The following RIMS1 variants were observed in gnomAD, a reference collection of about 807,000 sequenced individuals.
RIMS1 encodes the protein regulating synaptic membrane exocytosis 1.
In RIMS1, 83 loss-of-function variants were observed where a neutral mutation model predicts 214.1. That is an observed-to-expected ratio of 0.39 (90% CI 0.32 to 0.47). The LOEUF (loss-of-function observed/expected upper bound fraction) is 0.47. Ranked by LOEUF, RIMS1 falls within the 20% of genes least tolerant of loss-of-function variation. RIMS1 has a pLI of 0.99. For synonymous variants in RIMS1, 793 were observed against 786.8 expected (o/e 1.01, Z -0.13); for missense variants, 2,050 against 2,161.8 (o/e 0.95, Z 1.03).
chr6:72,280,431 C>T (rs1381847040), intron 23 of RIMS1, among the ~76,000 whole-genome samples: 2 of 151,870 alleles, frequency 1.3e-5, no homozygotes, highest in African/African-American at 4.8e-5. Flanking sequence ...TTAAAATATA[C>T]AATATTTTGG....
intron 28 of RIMS1, among the ~76,000 whole-genome samples, chr6:72,320,199 G>A (rs1013816159): frequency 1.4e-4 from 22 of 152,060 alleles, no homozygotes; most frequent in African/African-American, 5.1e-4. Context: ...TATGCCCATG[G>A]ACTGTTGGTG....
intron 2 of RIMS1, among the ~76,000 whole-genome samples, chr6:71,973,643 C>G (rs769066204): frequency 4.6e-5 from 7 of 152,072 alleles, no homozygotes; most frequent in Non-Finnish European, 7.3e-5. Flanking sequence ...CCAGGAGAGC[C>G]CTGGCTAGGA....
At chr6:72,215,048 C>G (rs2154019108) in intron 6 of RIMS1, among the ~76,000 whole-genome samples, 1 of 152,226 alleles carries the variant, frequency 6.6e-6, no homozygotes, top group East Asian at 1.9e-4. Context: ...AAATTCTAGT[C>G]AAAGAACATT....
intron 1 of RIMS1, among the ~76,000 whole-genome samples, chr6:71,910,840 TC>T (rs932458527): frequency 6.6e-6 from 1 of 152,158 alleles, no homozygotes; most frequent in Non-Finnish European, 1.5e-5. Flanking sequence ...AATTAATTTT[TC>T]ACTACCTTTT....
At chr6:72,236,909 T>C (rs960308248) in intron 8 of RIMS1, among the ~76,000 whole-genome samples, 4 of 151,818 alleles carry the variant, frequency 2.6e-5, no homozygotes, top group African/African-American at 9.7e-5. Context: ...TTTTAAGAAA[T>C]CACTACAGCC....
chr6:72,136,133 T>C (rs948012399), intron 4 of RIMS1, among the ~76,000 whole-genome samples: 4 of 152,154 alleles, frequency 2.6e-5, no homozygotes, highest in African/African-American at 7.2e-5. Flanking sequence ...ACAGAATCAG[T>C]AATCTATAAG....
intron 1 of RIMS1, among the ~76,000 whole-genome samples, chr6:71,957,762 T>C (rs552241830): frequency 6.6e-6 from 1 of 150,630 alleles, no homozygotes; most frequent in South Asian, 2.1e-4. Context: ...AACTAAATTT[T>C]TAGCCGATAA....
In RIMS1 at chr6:71,943,119, A is replaced by G. The variant is rs149836546; in HGVS notation, c.165-25864A>G. On this transcript the variant is annotated intron_variant, in intron 1 of 33. Transcript: ENST00000521978. Reference sequence around the variant, plus strand: ...AGTACTGGCATGTCTTTATGAAAAGAAAGAAAAAATATTTTTACCTACCAC... The same window carrying G: ...AGTACTGGCATGTCTTTATGAAAAGGAAGAAAAAATATTTTTACCTACCAC... Among the ~76,000 whole-genome samples the G allele has an allele frequency of 2.3e-3, 343 of 152,284 alleles. 1 individual carries two copies. The highest frequency in any genetic ancestry group is 7.7e-3 in the African/African-American group (320 of 41,578).
chr6:72,212,296 G>T (rs1009150777), intron 6 of RIMS1, among the ~76,000 whole-genome samples: 5 of 150,822 alleles, frequency 3.3e-5, no homozygotes, highest in African/African-American at 1.2e-4. Flanking sequence ...TAGTTTTGTA[G>T]CATGTCACAT....
At chr6:71,992,325 C>A (rs966444164) in intron 2 of RIMS1, among the ~76,000 whole-genome samples, 1 of 152,188 alleles carries the variant, frequency 6.6e-6, no homozygotes, top group Non-Finnish European at 1.5e-5. Flanking sequence ...TTATGCATGA[C>A]AGCCAAGGCC....
At chr6:72,245,727 A>AT (rs2069200655) in intron 10 of RIMS1, 88 bp from the exon 11 acceptor site, 5 of 1,014,414 alleles carry the variant, frequency 4.9e-6, no homozygotes, top group Non-Finnish European at 7.7e-6. Context: ...ACCCAGCAGG[A>AT]TTTTTCACAT....
At chr6:71,972,060 A>G (rs1193618269) in intron 2 of RIMS1, among the ~76,000 whole-genome samples, 1 of 152,220 alleles carries the variant, frequency 6.6e-6, no homozygotes, top group Non-Finnish European at 1.5e-5. Flanking sequence ...AGAAAAAAAA[A>G]TAAGAGCGAG....
chr6:72,074,185 G>A (rs1831235098), intron 2 of RIMS1, among the ~76,000 whole-genome samples: 1 of 152,072 alleles, frequency 6.6e-6, no homozygotes, highest in South Asian at 2.1e-4. Flanking sequence ...CCTTAAGAGA[G>A]GTAGTTTTCT....
intron 30 of RIMS1, among the ~76,000 whole-genome samples, chr6:72,391,056 G>A (rs1368028928): frequency 6.6e-6 from 1 of 152,030 alleles, no homozygotes; most frequent in African/African-American, 2.4e-5. Context: ...CTTTCATATG[G>A]GAAACTCATA....
intron 19 of RIMS1, chr6:72,261,567 TAAGG>T: frequency 1.1e-6 from 1 of 952,366 alleles, no homozygotes. Context: ...ATATAGAAGT[TAAGG>T]AAGTAGTAAG....
chr6:72,338,959 C>A (rs1273456313), intron 29 of RIMS1, among the ~76,000 whole-genome samples: 1 of 151,678 alleles, frequency 6.6e-6, no homozygotes, highest in Non-Finnish European at 1.5e-5. Flanking sequence ...GTGGTTAGTA[C>A]ATGCTAGGCA....
At chr6:72,027,467 T>G (rs1476529002) in intron 2 of RIMS1, among the ~76,000 whole-genome samples, 1 of 152,146 alleles carries the variant, frequency 6.6e-6, no homozygotes, top group Non-Finnish European at 1.5e-5. Context: ...TCAGAGAATG[T>G]AAATAATATA....
At chr6:72,228,589 C>A (rs1247967670) in intron 6 of RIMS1, among the ~76,000 whole-genome samples, 1 of 151,864 alleles carries the variant, frequency 6.6e-6, no homozygotes, top group East Asian at 1.9e-4. Flanking sequence ...ATTGTTTCAA[C>A]CTCTTGGCTA....
intron 4 of RIMS1, among the ~76,000 whole-genome samples, chr6:72,146,170 A>G (rs1036076231): frequency 2.0e-5 from 3 of 152,170 alleles, no homozygotes; most frequent in Non-Finnish European, 4.4e-5. Context: ...CCTCTATTTT[A>G]ATGTCACAAT....
Sources: allele counts gnomAD v4.1 joint callset (sites outside exome capture counted in the v4.1 genomes callset), GRCh38; gene constraint gnomAD v4.1.1; transcripts MANE v1.5; gene names NCBI Gene and HGNC (gene_info 2026-07-23, HGNC 2026-07-21).